GRIN2A: variants seen among roughly 807,000 people sequenced by gnomAD.
GRIN2A encodes the protein glutamate ionotropic receptor NMDA type subunit 2A.
GRIN2A carries 22 observed loss-of-function variants against 113.4 expected under a neutral mutation model. The observed-to-expected ratio is 0.19, with a 90% CI of 0.14 to 0.28. The LOEUF (loss-of-function observed/expected upper bound fraction) is 0.28. GRIN2A is among the 10% of genes least tolerant of loss of function. GRIN2A has a pLI of 1.00. For synonymous variants in GRIN2A, 827 were observed against 738.4 expected (o/e 1.12, Z -1.94); for missense variants, 1,502 against 1,887.0 (o/e 0.80, Z 3.78).
intron 2 of GRIN2A, among the ~76,000 whole-genome samples, chr16:10,028,581 A>G (rs940551554): frequency 2.7e-4 from 41 of 152,232 alleles, no homozygotes; most frequent in African/African-American, 9.6e-4. Context: ...TGGCAGAGCC[A>G]CAAGATAGTG....
intron 2 of GRIN2A, among the ~76,000 whole-genome samples, chr16:10,091,954 C>T (rs1027421022): frequency 6.6e-6 from 1 of 152,106 alleles, no homozygotes; most frequent in African/African-American, 2.4e-5. Flanking sequence ...GTTGCAAAAT[C>T]TGTAACTTTA....
chr16:10,119,968 T>A (rs2142176802), intron 2 of GRIN2A, among the ~76,000 whole-genome samples: 1 of 152,352 alleles, frequency 6.6e-6, no homozygotes, highest in African/African-American at 2.4e-5. Context: ...CAGATTTTCT[T>A]TATCCAGTCT....
At position 9,754,853 on chromosome 16, in the gene GRIN2A, A is replaced by T. The variant is rs1567267604; in HGVS notation, c.*8296T>A. The stretch of plus-strand genomic sequence containing the variant: ...TTTGCTCAGTTATCAATAGTCTTTG[A>T]TTTGAGCCCTTTAAAACTTGAAACA... On this transcript the variant is annotated 3_prime_UTR_variant, in exon 13 of 13. Coordinates refer to ENST00000330684, the MANE Select transcript of GRIN2A (RefSeq NM_001134407.3). 10 of 224,088 alleles carry T rather than the reference A, an allele frequency of 4.5e-5. No individual in the cohort carries two copies. The Admixed American group carries it at 5.2e-4, about 12-fold the overall frequency. 13.9% of individuals were successfully genotyped at this position (224,088 alleles called of 1,614,324 possible). A position where few individuals can be genotyped will look rare whatever the true frequency, so the allele number is the denominator to read the frequency against.
At chr16:10,099,536 G>C (rs1252061007) in intron 2 of GRIN2A, among the ~76,000 whole-genome samples, 1 of 152,114 alleles carries the variant, frequency 6.6e-6, no homozygotes, top group Non-Finnish European at 1.5e-5. Context: ...GTGGAAGTTG[G>C]TGGTTTTTCA....
intron 2 of GRIN2A, among the ~76,000 whole-genome samples, chr16:10,105,743 C>T (rs1567302645): frequency 6.6e-6 from 1 of 151,902 alleles, no homozygotes; most frequent in South Asian, 2.1e-4. Flanking sequence ...CCCATCTCTG[C>T]TAAAAATACA....
At chr16:10,110,289 G>C (rs1435782238) in intron 2 of GRIN2A, among the ~76,000 whole-genome samples, 1 of 152,218 alleles carries the variant, frequency 6.6e-6, no homozygotes, top group Non-Finnish European at 1.5e-5. Flanking sequence ...TAACGAGTTA[G>C]GGGAACGTGG....
intron 2 of GRIN2A, among the ~76,000 whole-genome samples, chr16:10,011,492 A>G (rs2141869139): frequency 1.3e-5 from 2 of 152,240 alleles, no homozygotes; most frequent in East Asian, 3.9e-4. Context: ...GCGGGACCCA[A>G]ATCAACCACT....
At chr16:10,109,538 T>C (rs72776012) in intron 2 of GRIN2A, among the ~76,000 whole-genome samples, 13,366 of 148,906 alleles carry the variant, frequency 0.09, 731 homozygotes, top group Non-Finnish European at 0.13. Flanking sequence ...GCAGATCAAA[T>C]AGAAAAATGT....
chr16:9,848,493 G>A (rs2042815703), intron 5 of GRIN2A, among the ~76,000 whole-genome samples: 1 of 151,070 alleles, frequency 6.6e-6, no homozygotes, highest in Non-Finnish European at 1.5e-5. Flanking sequence ...TGAGATTATA[G>A]ATGTGAATCA....
intron 2 of GRIN2A, among the ~76,000 whole-genome samples, chr16:10,109,959 G>C (rs1268061958): frequency 6.6e-6 from 1 of 151,942 alleles, no homozygotes; most frequent in African/African-American, 2.4e-5. Flanking sequence ...GTGCAGGTTA[G>C]TTACATATGT....
intron 2 of GRIN2A, among the ~76,000 whole-genome samples, chr16:10,084,548 G>T (rs576475034): frequency 6.6e-6 from 1 of 152,164 alleles, no homozygotes; most frequent in African/African-American, 2.4e-5. Context: ...CCCCAAGAAG[G>T]ATATTCCCAT....
intron 2 of GRIN2A, among the ~76,000 whole-genome samples, chr16:10,037,664 C>T (rs1056430090): frequency 2.0e-5 from 3 of 152,078 alleles, no homozygotes; most frequent in Non-Finnish European, 4.4e-5. Flanking sequence ...CTTGCACTGT[C>T]ACCCAGGCTG....
intron 2 of GRIN2A, among the ~76,000 whole-genome samples, chr16:10,118,303 C>G (rs750313764): frequency 7.0e-4 from 107 of 152,246 alleles, no homozygotes; most frequent in Non-Finnish European, 1.1e-3. Context: ...CTCATTTAGA[C>G]TCCTGTCACT....
intron 2 of GRIN2A, among the ~76,000 whole-genome samples, chr16:10,126,173 T>A (rs780227960): frequency 4.6e-4 from 68 of 148,948 alleles, no homozygotes; most frequent in African/African-American, 1.1e-3. Context: ...ATATATATAT[T>A]TTTTTTTGAG....
In GRIN2A at chr16:9,764,062, C is replaced by G. The variant is rs1900740837; in HGVS notation, c.3482G>C (p.Gly1161Ala). 3 of 1,613,700 alleles carry G rather than the reference C, an allele frequency of 1.9e-6. No individual in the cohort carries two copies. The highest frequency in any genetic ancestry group is 1.6e-4 in the Middle Eastern group (1 of 6,062). ...CCGGTTCATTGGCAGCGTGGAGTCC[C>G]CCTTGCGGAAGTTTTCACTGGGATC... ...YQDPSENFRKGDSTLPMNRNP... is the reference protein window; with the variant it reads ...YQDPSENFRKADSTLPMNRNP... The change falls in exon 13 of 13, where the codon GGG becomes GCG. Residue 1161 changes from glycine (G) to alanine (A), a missense_variant. By Grantham distance (60) the Gly-to-Ala change is moderately conservative. This residue lies in a region of GRIN2A where 832 missense variants were observed against 789.7 expected (regional missense o/e 1.05). Transcript: ENST00000330684.
chr16:9,934,721 T>C (rs2044672616), intron 3 of GRIN2A, among the ~76,000 whole-genome samples: 1 of 148,922 alleles, frequency 6.7e-6, no homozygotes, highest in Non-Finnish European at 1.5e-5. Flanking sequence ...TATAATCCTT[T>C]TTGTTTTTTT....
intron 2 of GRIN2A, among the ~76,000 whole-genome samples, chr16:9,961,326 G>A (rs1237289169): frequency 1.3e-5 from 2 of 152,110 alleles, no homozygotes; most frequent in African/African-American, 4.8e-5. Flanking sequence ...ATGATATGGG[G>A]GTGCAGGGGT....
intron 2 of GRIN2A, chr16:10,031,287 G>C (rs201590970): frequency 6.6e-6 from 1 of 152,190 alleles, no homozygotes; most frequent in East Asian, 1.9e-4. Context: ...TGCCATTGCT[G>C]TGCTGCCCCC....
Position 10,015,216 on chromosome 16 carries a change from G to A in GRIN2A, c.415-76665C>T, listed in dbSNP as rs1389099973. On this transcript the variant is annotated intron_variant, in intron 2 of 12. Transcript: ENST00000330684. The stretch of plus-strand genomic sequence containing the variant: ...CGCAGTGAGCTGAGATCGCACCACC[G>A]CACTCCAGCCTGGGCAACAGAGCAA... 9.9e-5 allele frequency among the ~76,000 whole-genome samples: 11 copies of A among 111,596 alleles called. 1 individual carries two copies. Among genetic ancestry groups the A allele is most frequent in the Admixed American group, 2.8e-4 (2 of 7,098 alleles). The allele number at this position is 111,596 out of a possible 152,430, so 73.2% of individuals were successfully genotyped here.
Sources: allele counts gnomAD v4.1 joint callset (sites outside exome capture counted in the v4.1 genomes callset), GRCh38; gene constraint gnomAD v4.1.1; regional missense constraint gnomAD v4.1.1; transcripts MANE v1.5; gene names NCBI Gene and HGNC (gene_info 2026-07-23, HGNC 2026-07-21).